Variants in OR3A2 observed in about 807,000 individuals in gnomAD.
The protein encoded by OR3A2 is olfactory receptor family 3 subfamily A member 2.
For missense variants in OR3A2, 318 were observed against 392.8 expected (o/e 0.81, Z 1.61); for synonymous variants, 126 against 159.3 (o/e 0.79, Z 1.57).
In OR3A2 at chr17:3,364,883, C is replaced by T. The variant is rs75602091; in HGVS notation, c.-179+18921G>A. 5.0e-3 allele frequency among the ~76,000 whole-genome samples: 747 copies of T among 150,498 alleles called. 22 individuals are homozygous for T. The highest frequency in any genetic ancestry group is 0.042 in the Admixed American group (631 of 15,040). On this transcript the variant is annotated intron_variant, in intron 2 of 4. Coordinates refer to the OR3A2 transcript ENST00000573491. ...GGAAATTATATGTGCATTTTAAATA[C>T]TTAGCAATAAGCAGAACATATAAGC...
At chr17:3,360,411 C>G (rs1567567624) in intron 2 of OR3A2, among the ~76,000 whole-genome samples, 1 of 151,670 alleles carries the variant, frequency 6.6e-6, no homozygotes. Context: ...TGCAGAAGCT[C>G]TTTAGTTTAA....
At chr17:3,330,540 CTTTT>C (rs1002210525) in intron 3 of OR3A2, among the ~76,000 whole-genome samples, 2 of 151,744 alleles carry the variant, frequency 1.3e-5, no homozygotes, top group Non-Finnish European at 2.9e-5. Context: ...CAACCCCTGC[CTTTT>C]TTTTGTTTTC....
rs556617215 is a variant in OR3A2 at position 3,371,271 on chromosome 17, C to T, written c.-179+12533G>A. Among the ~76,000 whole-genome samples the T allele has an allele frequency of 5.8e-3, 856 of 148,604 alleles. 23 individuals carry two copies. Among genetic ancestry groups the T allele is most frequent in the East Asian group, 0.043 (209 of 4,816 alleles). Reference sequence around the variant, plus strand: ...CTGACCTCCTCACCTCCCTCCCGGACGGGGCGGCTGGCCGGGCAGAGGGGC... The same window carrying T: ...CTGACCTCCTCACCTCCCTCCCGGATGGGGCGGCTGGCCGGGCAGAGGGGC... On this transcript the variant is annotated intron_variant, in intron 2 of 4. Transcript: ENST00000573491.
At chr17:3,342,559 T>C (rs941393627) in intron 2 of OR3A2, among the ~76,000 whole-genome samples, 2 of 152,202 alleles carry the variant, frequency 1.3e-5, no homozygotes, top group Non-Finnish European at 2.9e-5. Flanking sequence ...GGAAGTCCAC[T>C]CCAGACCGTT....
At chr17:3,339,486 G>A (rs1310983085) in intron 2 of OR3A2, among the ~76,000 whole-genome samples, 1 of 152,174 alleles carries the variant, frequency 6.6e-6, no homozygotes, top group East Asian at 1.9e-4. Context: ...AGCATGAAAG[G>A]ATGTTGAATT....
chr17:3,318,408 T>C (rs1247418785), intron 3 of OR3A2, among the ~76,000 whole-genome samples: 4 of 152,220 alleles, frequency 2.6e-5, no homozygotes, highest in Non-Finnish European at 4.4e-5. Context: ...ATTAGCCAAG[T>C]TGTGACTAGC....
intron 3 of OR3A2, chr17:3,292,470 T>C (rs761533511): frequency 6.2e-6 from 10 of 1,611,820 alleles, no homozygotes; most frequent in African/African-American, 1.4e-5. Context: ...CGTGACCAGG[T>C]AGGCAAAGAG....
intron 3 of OR3A2, among the ~76,000 whole-genome samples, chr17:3,297,424 C>T (rs181920176): frequency 6.6e-6 from 1 of 152,274 alleles, no homozygotes; most frequent in Admixed American, 6.5e-5. Context: ...TTTGTTCTAA[C>T]CATTTACTTT....
rs2048884888 is a variant in OR3A2, at chr17:3,292,484, G to T, written c.-84-13331C>A. 4 of 1,613,688 alleles carry T rather than the reference G, an allele frequency of 2.5e-6. No homozygotes were observed. In the African/African-American group the frequency reaches 5.3e-5, roughly 22 times the overall value. ...CCGTGACCAGGTAGGCAAAGAGGAA[G>T]AGCACAAAGACAACTGGCTGCAGCC... On this transcript the variant is annotated intron_variant, in intron 3 of 4. Coordinates refer to the OR3A2 transcript ENST00000573491.
intron 1 of OR3A2, among the ~76,000 whole-genome samples, chr17:3,385,707 C>T (rs569939445): frequency 1.3e-5 from 2 of 152,284 alleles, no homozygotes; most frequent in Non-Finnish European, 2.9e-5. Flanking sequence ...TTACCCACTA[C>T]GCTAGAACAC....
chr17:3,359,871 C>T (rs1386226773), intron 2 of OR3A2, among the ~76,000 whole-genome samples: 1 of 151,736 alleles, frequency 6.6e-6, no homozygotes, highest in Non-Finnish European at 1.5e-5. Context: ...AGTAGTGCCG[C>T]AATAAACATA....
chr17:3,288,268 CAAAA>C (rs1473932762), upstream of OR3A2, among the ~76,000 whole-genome samples: 1 of 96,824 alleles, frequency 1.0e-5, no homozygotes, highest in African/African-American at 3.6e-5. Context: ...AAAAAAAAGA[CAAAA>C]AAAGAAAAAG....
chr17:3,341,808 A>C (rs230442), intron 2 of OR3A2, among the ~76,000 whole-genome samples: 102,161 of 152,018 alleles, frequency 0.67, 35,524 homozygotes, highest in East Asian at 1. Context: ...TGAATTTTGG[A>C]CTGCCTTGCT....
intron 3 of OR3A2, among the ~76,000 whole-genome samples, chr17:3,322,207 T>C (rs979367227): frequency 6.6e-6 from 1 of 152,168 alleles, no homozygotes; most frequent in African/African-American, 2.4e-5. Flanking sequence ...TTCTGTGGGA[T>C]CGGTGGTGAT....
chr17:3,360,998 T>C (rs1232458311), intron 2 of OR3A2, among the ~76,000 whole-genome samples: 1 of 151,498 alleles, frequency 6.6e-6, no homozygotes, highest in Non-Finnish European at 1.5e-5. Flanking sequence ...AATCTATAAA[T>C]TACCTTGGGC....
rs147340240 is a variant in OR3A2 at position 3,294,250 on chromosome 17, G to C, written c.-84-15097C>G. ...CAGAGTAAAAATATAAGAGCTGAGG[G>C]AAGGGATTGCAAGAAAGATAAGAAA... On this transcript the variant is annotated intron_variant, in intron 3 of 4. Coordinates refer to the OR3A2 transcript ENST00000573491. Among the ~76,000 whole-genome samples the C allele has an allele frequency of 3.3e-5, 5 of 151,854 alleles. No homozygotes were observed. In the East Asian group the frequency reaches 7.7e-4, roughly 23 times the overall value.
In OR3A2 at chr17:3,384,059, C is replaced by T. The variant is rs530955756; in HGVS notation, c.-274-160G>A. Among the ~76,000 whole-genome samples the T allele has an allele frequency of 2.0e-4, 30 of 151,718 alleles. No homozygotes were observed. In the Middle Eastern group the frequency reaches 0.017, roughly 87 times the overall value. On this transcript the variant is annotated intron_variant, in intron 1 of 4. Transcript: ENST00000573491. ...AATAAATATTATATACAGATCACTG[C>T]ACAAGACAGTGAGATGTAGCTCCTT...
intron 2 of OR3A2, among the ~76,000 whole-genome samples, chr17:3,363,180 A>C (rs777161671): frequency 6.6e-6 from 1 of 151,894 alleles, no homozygotes; most frequent in Non-Finnish European, 1.5e-5. Context: ...TCCCCAGAAA[A>C]TGGGTTTGTC....
intron 3 of OR3A2, among the ~76,000 whole-genome samples, chr17:3,325,143 T>C (rs2049160463): frequency 6.6e-6 from 1 of 151,984 alleles, no homozygotes; most frequent in Non-Finnish European, 1.5e-5. Context: ...TTAGTAAATG[T>C]TGTGATAAAG....
Sources: allele counts gnomAD v4.1 joint callset (sites outside exome capture counted in the v4.1 genomes callset), GRCh38; gene constraint gnomAD v4.1.1; transcripts MANE v1.5; gene names NCBI Gene and HGNC (gene_info 2026-07-23, HGNC 2026-07-21).